The following ARHGEF26 variants were observed in gnomAD, a reference collection of about 807,000 sequenced individuals.
The protein encoded by ARHGEF26 is Rho guanine nucleotide exchange factor (GEF) 26.
Under a neutral mutation model 89.4 loss-of-function variants are expected in ARHGEF26, and 59 were observed. The ratio of observed to expected loss-of-function variants is 0.66; its 90% CI spans 0.54 to 0.82. The LOEUF is 0.82. Among genes scored for constraint, ARHGEF26 ranks in the 40% least tolerant of loss-of-function variants. ARHGEF26 has a pLI of 0.00. For missense variants in ARHGEF26, 1,234 were observed against 1,085.6 expected (o/e 1.14, Z -1.92); for synonymous variants, 500 against 428.4 (o/e 1.17, Z -2.06).
chr3:154,125,369 T>A (rs1253227341), intron 3 of ARHGEF26, among the ~76,000 whole-genome samples: 1 of 152,178 alleles, frequency 6.6e-6, no homozygotes, highest in African/African-American at 2.4e-5. Context: ...ACCGCACCAA[T>A]CTTAGGAAAT....
At chr3:154,167,000 C>T (rs1347351699) in intron 6 of ARHGEF26, among the ~76,000 whole-genome samples, 1 of 152,142 alleles carries the variant, frequency 6.6e-6, no homozygotes, top group Non-Finnish European at 1.5e-5. Flanking sequence ...GTCCATCAAA[C>T]AGCCAGAGTC....
At chr3:154,202,544 C>T (rs1714714817) in intron 9 of ARHGEF26, among the ~76,000 whole-genome samples, 1 of 152,080 alleles carries the variant, frequency 6.6e-6, no homozygotes, top group African/African-American at 2.4e-5. Context: ...TGAAGAAAGT[C>T]ATTGGTAGCT....
Position 154,255,657 on chromosome 3 carries a change from C to T in ARHGEF26, c.*184C>T. The T allele has an allele frequency of 7.1e-7, 1 of 1,413,490 alleles. No homozygotes were observed. The highest frequency in any genetic ancestry group is 1.6e-5 in the South Asian group (1 of 60,856). The allele number at this position is 1,413,490 out of a possible 1,614,324, so 87.6% of individuals were successfully genotyped here. On this transcript the variant is annotated 3_prime_UTR_variant, in exon 15 of 15. Coordinates refer to ENST00000465093, the MANE Select transcript of ARHGEF26 (RefSeq NM_015595.4). ...GAAGAGCTTGGATACAGTGAGTTTGCACAGCTCAGTTTTTACCTAACCACA... is the reference window on the plus strand; with the variant it reads ...GAAGAGCTTGGATACAGTGAGTTTGTACAGCTCAGTTTTTACCTAACCACA...
At chr3:154,249,153 G>T (rs1190535349) in intron 12 of ARHGEF26, among the ~76,000 whole-genome samples, 1 of 152,184 alleles carries the variant, frequency 6.6e-6, no homozygotes, top group Non-Finnish European at 1.5e-5. Flanking sequence ...TGAGAAATCA[G>T]AAAACCCTGT....
At chr3:154,236,974 C>T (rs1717162518) in intron 11 of ARHGEF26, among the ~76,000 whole-genome samples, 1 of 152,138 alleles carries the variant, frequency 6.6e-6, no homozygotes, top group African/African-American at 2.4e-5. Context: ...GGGCCAAGTT[C>T]CTTGTTCAGG....
intron 9 of ARHGEF26, among the ~76,000 whole-genome samples, chr3:154,215,641 A>C (rs1715672670): frequency 6.6e-6 from 1 of 152,152 alleles, no homozygotes; most frequent in Non-Finnish European, 1.5e-5. Flanking sequence ...AGACCAAGAT[A>C]TAGGCAGAAC....
chr3:154,144,787 C>G (rs1719602232), intron 4 of ARHGEF26, among the ~76,000 whole-genome samples: 1 of 152,126 alleles, frequency 6.6e-6, no homozygotes, highest in African/African-American at 2.4e-5. Flanking sequence ...GATTCAAACA[C>G]TTTTTTGAGG....
intron 9 of ARHGEF26, 32 bp from the exon 10 acceptor site, chr3:154,217,837 C>T (rs751083237): frequency 1.3e-6 from 2 of 1,544,290 alleles, no homozygotes; most frequent in South Asian, 1.2e-5. Flanking sequence ...TCTCCTTGAC[C>T]TTTAACCCTC....
intron 6 of ARHGEF26, among the ~76,000 whole-genome samples, chr3:154,170,900 A>G (rs1230439831): frequency 6.6e-6 from 1 of 152,224 alleles, no homozygotes; most frequent in Non-Finnish European, 1.5e-5. Flanking sequence ...ATTATCAGCT[A>G]ATACTGAATT....
At chr3:154,216,001 T>C (rs1228995186) in intron 9 of ARHGEF26, among the ~76,000 whole-genome samples, 2 of 152,174 alleles carry the variant, frequency 1.3e-5, no homozygotes, top group Non-Finnish European at 2.9e-5. Flanking sequence ...TGTATTTATA[T>C]GTTCATATAT....
intron 11 of ARHGEF26, among the ~76,000 whole-genome samples, chr3:154,234,775 AT>A (rs977468749): frequency 1.3e-5 from 2 of 151,488 alleles, no homozygotes; most frequent in African/African-American, 4.8e-5. Context: ...TTTAATTTTA[AT>A]TTTTTTTGAA....
chr3:154,175,941 G>A (rs959101673), intron 6 of ARHGEF26, among the ~76,000 whole-genome samples: 2 of 152,202 alleles, frequency 1.3e-5, no homozygotes, highest in African/African-American at 4.8e-5. Flanking sequence ...TATAATAACA[G>A]GTAATCATTC....
At position 154,124,555 on chromosome 3, in the gene ARHGEF26, T is replaced by G. The variant is rs1019944455; in HGVS notation, c.1123+106T>G. ...AAAAATGCTTACGATGAGAAATATG[T>G]CCAACTTCTTCTCAAATTATACAGT... On this transcript the variant is annotated intron_variant, in intron 3 of 14. Coordinates refer to ENST00000465093, the MANE Select transcript of ARHGEF26 (RefSeq NM_015595.4). 3.0e-6 allele frequency: 3 copies of G among 990,174 alleles called. No individual in the cohort carries two copies. The African/African-American group carries it at 5.1e-5, about 17-fold the overall frequency. 61.3% of individuals were successfully genotyped at this position (990,174 alleles called of 1,614,324 possible).
At chr3:154,234,916 C>G (rs1194555219) in intron 11 of ARHGEF26, among the ~76,000 whole-genome samples, 1 of 152,136 alleles carries the variant, frequency 6.6e-6, no homozygotes, top group Non-Finnish European at 1.5e-5. Flanking sequence ...CAGGCGCTCA[C>G]CACCGCGCCC....
chr3:154,128,498 C>CA (rs1390323936), intron 3 of ARHGEF26, among the ~76,000 whole-genome samples: 1 of 152,144 alleles, frequency 6.6e-6, no homozygotes, highest in Non-Finnish European at 1.5e-5. Context: ...GTCAGCCTCC[C>CA]AAAGTGCTGA....
At chr3:154,201,363 A>G (rs1325938445) in intron 9 of ARHGEF26, among the ~76,000 whole-genome samples, 2 of 152,036 alleles carry the variant, frequency 1.3e-5, no homozygotes, top group Non-Finnish European at 2.9e-5. Context: ...ATGGTATTCC[A>G]TGGTGTATAT....
At chr3:154,237,573 CTTA>C (rs1274914816) in intron 11 of ARHGEF26, among the ~76,000 whole-genome samples, 46 of 151,176 alleles carry the variant, frequency 3.0e-4, no homozygotes, top group South Asian at 8.4e-4. Flanking sequence ...CACACACACA[CTTA>C]ACTAGTTTAT....
intron 4 of ARHGEF26, among the ~76,000 whole-genome samples, chr3:154,140,286 C>T (rs924653034): frequency 6.6e-6 from 1 of 152,158 alleles, no homozygotes; most frequent in Non-Finnish European, 1.5e-5. Context: ...GACAATGCCA[C>T]GAGGGTAAGT....
At chr3:154,251,961 G>A (rs1264023839) in intron 12 of ARHGEF26, among the ~76,000 whole-genome samples, 1 of 152,128 alleles carries the variant, frequency 6.6e-6, no homozygotes, top group Non-Finnish European at 1.5e-5. Context: ...AAATTTTAAT[G>A]GCAATAATGA....
Sources: gnomAD v4.1 joint callset for allele counts (sites outside exome capture counted in the v4.1 genomes callset) on GRCh38, gnomAD v4.1.1 for gene constraint, MANE v1.5 for transcripts, NCBI Gene and HGNC (gene_info 2026-07-23, HGNC 2026-07-21) for gene names.